The following FBXL20 variants were observed in gnomAD, a reference collection of about 807,000 sequenced individuals.
FBXL20 encodes F-box and leucine rich repeat protein 20.
A neutral mutation model predicts 64.0 loss-of-function variants in FBXL20; 11 were observed. The observed-to-expected ratio is 0.17, with a 90% CI of 0.11 to 0.28. The LOEUF (loss-of-function observed/expected upper bound fraction) is 0.28. Ranked by LOEUF, FBXL20 falls within the 10% of genes least tolerant of loss-of-function variation. The probability of loss-of-function intolerance (pLI) is 1.00; values close to 1 mark genes in which losing one functional copy is unlikely to be tolerated. For missense variants in FBXL20, 303 were observed against 526.2 expected, an observed-to-expected ratio of 0.58 and a Z score of 4.15; for synonymous variants, 184 against 189.0, an observed-to-expected ratio of 0.97 and a Z score of 0.22.
chr17:39,295,784 G>GATTATATATATATATATATAT (rs1555605407), intron 6 of FBXL20, among the ~76,000 whole-genome samples: 2 of 137,068 alleles, frequency 1.5e-5, no homozygotes, highest in African/African-American at 5.4e-5. Context: ...CAAATATGGA[G>GATTATATATATATATATATAT]ATATATATAT....
At chr17:39,262,340 G>A (rs2046754311) in intron 14 of FBXL20, among the ~76,000 whole-genome samples, 1 of 152,080 alleles carries the variant, frequency 6.6e-6, no homozygotes, top group Non-Finnish European at 1.5e-5. Context: ...GGAGTGCAAT[G>A]GTGTGATCTT....
Position 39,258,040 on chromosome 17 carries a change from T to C in FBXL20, c.*3420A>G, listed in dbSNP as rs1273071299. The C allele has an allele frequency of 6.6e-6, 1 of 152,310 alleles. No individual in the cohort carries two copies. The highest frequency in any genetic ancestry group is 6.5e-5 in the Admixed American group (1 of 15,280). 9.4% of individuals were successfully genotyped at this position (152,310 alleles called of 1,614,324 possible). ...CCAGAGACACTACAGTAATTCCTCCTTGCCCACCTGTAGGTTTACGGCAGT... is the reference window on the plus strand; with the variant it reads ...CCAGAGACACTACAGTAATTCCTCCCTGCCCACCTGTAGGTTTACGGCAGT... On this transcript the variant is annotated 3_prime_UTR_variant, in exon 15 of 15. Coordinates refer to ENST00000264658, the MANE Select transcript of FBXL20 (RefSeq NM_032875.3).
Position 39,261,112 on chromosome 17 carries a change from C to T in FBXL20, c.*348G>A. 4.6e-6 allele frequency: 1 copy of T among 216,996 alleles called. No homozygotes were observed. The highest frequency in any genetic ancestry group is 9.4e-6 in the Non-Finnish European group (1 of 106,288). The allele number at this position is 216,996 out of a possible 1,614,324, so 13.4% of individuals were successfully genotyped here. ...TAAAATCCCCAAAGAAACCCCTAGACAAAAATTTAAAAACCACAGTAGCAT... is the reference window on the plus strand; with the variant it reads ...TAAAATCCCCAAAGAAACCCCTAGATAAAAATTTAAAAACCACAGTAGCAT... On this transcript the variant is annotated 3_prime_UTR_variant, in exon 15 of 15. Transcript: ENST00000264658.
At chr17:39,371,420 G>A in intron 1 of FBXL20, among the ~76,000 whole-genome samples, 1 of 152,014 alleles carries the variant, frequency 6.6e-6, no homozygotes, top group South Asian at 2.1e-4. Flanking sequence ...TCTTACTGCA[G>A]AGGAAGATCC....
intron 2 of FBXL20, among the ~76,000 whole-genome samples, chr17:39,313,429 C>T (rs916739654): frequency 2.0e-5 from 3 of 151,190 alleles, no homozygotes; most frequent in Non-Finnish European, 4.4e-5. Context: ...GACAGCGTTT[C>T]GCCATGTTGG....
At chr17:39,271,025 T>C (rs1279865536) in intron 10 of FBXL20, among the ~76,000 whole-genome samples, 169 bp from the exon 11 acceptor site, 1 of 152,230 alleles carries the variant, frequency 6.6e-6, no homozygotes, top group African/African-American at 2.4e-5. Flanking sequence ...TGCCATTCAT[T>C]TTCATGGAGT....
intron 1 of FBXL20, among the ~76,000 whole-genome samples, chr17:39,398,258 G>A (rs1325868075): frequency 1.3e-5 from 2 of 152,092 alleles, no homozygotes; most frequent in South Asian, 2.1e-4. Context: ...CCAGCCTGGG[G>A]ACAAGGGCAA....
At chr17:39,327,999 G>C (rs929720289) in intron 2 of FBXL20, among the ~76,000 whole-genome samples, 7 of 152,156 alleles carry the variant, frequency 4.6e-5, no homozygotes, top group Non-Finnish European at 1.0e-4. Context: ...TGTAATCCCA[G>C]CACTTTGGGA....
chr17:39,356,738 C>T (rs921283989), intron 1 of FBXL20, among the ~76,000 whole-genome samples: 1 of 152,006 alleles, frequency 6.6e-6, no homozygotes, highest in Non-Finnish European at 1.5e-5. Context: ...TCACTGCAGC[C>T]TTGACCTCCC....
intron 2 of FBXL20, among the ~76,000 whole-genome samples, chr17:39,330,525 G>A (rs1351585183): frequency 1.3e-5 from 2 of 151,932 alleles, no homozygotes; most frequent in Non-Finnish European, 1.5e-5. Context: ...GAGGCAGGAA[G>A]ACTGCTTGAA....
At chr17:39,271,471 G>A (rs1421332181) in intron 10 of FBXL20, among the ~76,000 whole-genome samples, 1 of 151,952 alleles carries the variant, frequency 6.6e-6, no homozygotes, top group Non-Finnish European at 1.5e-5. Flanking sequence ...GGTGGCGGGT[G>A]CCTGTAGTCC....
chr17:39,394,750 G>A (rs886163813), intron 1 of FBXL20, among the ~76,000 whole-genome samples: 1 of 151,644 alleles, frequency 6.6e-6, no homozygotes, highest in African/African-American at 2.4e-5. Flanking sequence ...TTAGAGACAG[G>A]GTTTCACCAT....
intron 2 of FBXL20, among the ~76,000 whole-genome samples, chr17:39,314,747 C>T (rs1670522366): frequency 6.6e-6 from 1 of 150,788 alleles, no homozygotes. Context: ...CTGTAGTGTA[C>T]ATTCTCACGA....
intron 5 of FBXL20, 53 bp from the exon 6 acceptor site, chr17:39,297,248 C>A (rs2047094290): frequency 2.7e-6 from 3 of 1,097,490 alleles, no homozygotes; most frequent in South Asian, 2.7e-5. Context: ...AAATTCCAGT[C>A]ATTAAAAAAG....
intron 2 of FBXL20, among the ~76,000 whole-genome samples, chr17:39,318,176 C>T (rs1057088008): frequency 6.6e-6 from 1 of 151,916 alleles, no homozygotes; most frequent in African/African-American, 2.4e-5. Context: ...TTCATTATAC[C>T]ATGTTGTCTA....
intron 1 of FBXL20, among the ~76,000 whole-genome samples, chr17:39,365,148 A>T (rs1242901143): frequency 2.6e-5 from 4 of 152,036 alleles, no homozygotes; most frequent in East Asian, 1.9e-4. Flanking sequence ...AATTTTCATT[A>T]AAAAAAATCC....
intron 1 of FBXL20, among the ~76,000 whole-genome samples, chr17:39,393,753 ATTAT>A (rs1245164415): frequency 6.6e-6 from 1 of 152,196 alleles, no homozygotes; most frequent in East Asian, 1.9e-4. Flanking sequence ...CTAATAAATA[ATTAT>A]TTAAACTTTG....
At chr17:39,384,518 C>T (rs1044420528) in intron 1 of FBXL20, among the ~76,000 whole-genome samples, 5 of 150,214 alleles carry the variant, frequency 3.3e-5, no homozygotes, top group Non-Finnish European at 5.9e-5. Flanking sequence ...AGCAAGAGTC[C>T]ATCTCAAAAT....
chr17:39,395,194 G>T (rs374629700), intron 1 of FBXL20, among the ~76,000 whole-genome samples: 2 of 152,170 alleles, frequency 1.3e-5, no homozygotes, highest in African/African-American at 2.4e-5. Flanking sequence ...GGAGGCCGAG[G>T]TGGGCAGATC....
Sources: gnomAD v4.1 joint callset for allele counts (sites outside exome capture counted in the v4.1 genomes callset) on GRCh38, gnomAD v4.1.1 for gene constraint, MANE v1.5 for transcripts, NCBI Gene and HGNC (gene_info 2026-07-23, HGNC 2026-07-21) for gene names.